The following TUBGCP2 variants were observed in gnomAD, a reference collection of about 807,000 sequenced individuals.
TUBGCP2 encodes the protein tubulin gamma complex component 2.
A neutral mutation model predicts 92.2 loss-of-function variants in TUBGCP2; 55 were observed. That is an observed-to-expected ratio of 0.60 (90% CI 0.48 to 0.75). The LOEUF (loss-of-function observed/expected upper bound fraction) is 0.75. TUBGCP2 is among the 30% of genes least tolerant of loss of function. The pLI, the probability that TUBGCP2 is intolerant of heterozygous loss-of-function variation, is 0.00. For missense variants in TUBGCP2, 1,093 were observed against 1,188.9 expected, an observed-to-expected ratio of 0.92 and a Z score of 1.19; for synonymous variants, 533 against 505.2, an observed-to-expected ratio of 1.06 and a Z score of -0.74.
chr10:133,284,128 A>G, intron 13 of TUBGCP2, 126 bp from the exon 14 acceptor site: 2 of 1,436,540 alleles, frequency 1.4e-6, no homozygotes, highest in Admixed American at 2.3e-5. Context: ...TCCTCTGCAG[A>G]GCAAGCGCCC....
intron 3 of TUBGCP2, 120 bp downstream of exon 3, chr10:133,299,865 C>T (rs1231500707): frequency 5.1e-6 from 7 of 1,375,474 alleles, no homozygotes; most frequent in East Asian, 4.6e-5. Context: ...GGCCTAGAAG[C>T]GTTACTGGTG....
chr10:133,285,137 C>T lies in TUBGCP2; in HGVS notation c.1972G>A (p.Val658Ile), dbSNP rs200557003. The change falls in exon 13 of 18, where the codon GTC becomes ATC. Residue 658 changes from valine to isoleucine, a missense_variant. Around this residue, in one of 3 missense-constraint regions of TUBGCP2, gnomAD observed 598 missense variants for 675.5 expected, o/e 0.89. Coordinates refer to ENST00000252936, the MANE Select transcript of TUBGCP2 (RefSeq NM_006659.4). The surrounding 1 kb of genome is among the most constrained non-coding windows in gnomAD (Gnocchi z 6.8). The stretch of plus-strand genomic sequence containing the variant: ...TTGGCGGTTTTGTTGCTGATCCAGA[C>T]GCTGCAGAGCTGCCGCTCCACGTGC... ...CKHVERQLCS[V>I]WISNKTAKQH... 286 of 1,612,820 alleles carry T rather than the reference C, an allele frequency of 1.8e-4. No homozygotes were observed. The highest frequency in any genetic ancestry group is 3.2e-4 in the African/African-American group (24 of 74,920).
At chr10:133,311,647 T>C, upstream of TUBGCP2, 1 of 1,355,400 alleles carries the variant, frequency 7.4e-7, no homozygotes, top group Non-Finnish European at 1.0e-6. Flanking sequence ...TTCTTGCATG[T>C]TCATTTCTGG....
At chr10:133,310,452 T>C (rs1488961658), upstream of TUBGCP2, 9 of 908,916 alleles carry the variant, frequency 9.9e-6, no homozygotes, top group Admixed American at 2.7e-5. Flanking sequence ...CTACAGGTGG[T>C]TGTGCCAGCG....
Position 133,289,953 on chromosome 10 carries a change from C to T in TUBGCP2, c.1231G>A (p.Glu411Lys). 6.2e-7 allele frequency: 1 copy of T among 1,614,134 alleles called. No individual in the cohort carries two copies. The highest frequency in any genetic ancestry group is 8.5e-7 in the Non-Finnish European group (1 of 1,179,990). The change falls in exon 9 of 18, where the codon GAG (glutamate) becomes AAG (lysine). Residue 411 changes from glutamate (E) to lysine (K), a missense_variant. Physicochemically the swap from Glu to Lys is moderately conservative, Grantham distance 56. Transcript: ENST00000252936. ...HDPYSEFMVE[E>K]HELRKERIQE... is the part of the protein sequence containing the mutation. ...ATCCTCTCCTTCCGCAGCTCGTGCT[C>T]CTCGACCATAAACTCACTAAAACCA...
At chr10:133,293,491 G>T in intron 6 of TUBGCP2, 71 bp downstream of exon 6, 1 of 1,490,166 alleles carries the variant, frequency 6.7e-7, no homozygotes. Context: ...ACGTCCCCAT[G>T]GTCATCAGGA....
chr10:133,305,598 A>T (rs1388003713), intron 1 of TUBGCP2, among the ~76,000 whole-genome samples: 2 of 152,152 alleles, frequency 1.3e-5, no homozygotes, highest in Non-Finnish European at 2.9e-5. Context: ...TGGTCCCTAC[A>T]ATAGAGTACA....
chr10:133,301,880 A>G (rs1008958230), intron 2 of TUBGCP2: 1 of 151,488 alleles, frequency 6.6e-6, no homozygotes, highest in Non-Finnish European at 1.5e-5. Context: ...ACACCCAGCT[A>G]ATTTTTTGTA....
intron 17 of TUBGCP2, among the ~76,000 whole-genome samples, chr10:133,280,478 T>C (rs2995321): frequency 0.9 from 136,932 of 152,312 alleles, 61,647 homozygotes; most frequent in East Asian, 0.94. Context: ...AGGCTGGCAG[T>C]TTGGCCACCT....
rs1589833195 is a variant in TUBGCP2, at chr10:133,297,872, T to G, written c.616+80A>C. 3.8e-6 allele frequency: 6 copies of G among 1,576,076 alleles called. No individual in the cohort carries two copies. The African/African-American group carries it at 4.1e-5, about 11-fold the overall frequency. ...TGCCCAGAGGCCAGAAATAAACACA[T>G]GACATACCTATCGGCAGAGCCCGGA... On this transcript the variant is annotated intron_variant, in intron 5 of 17. Coordinates refer to ENST00000252936, the MANE Select transcript of TUBGCP2 (RefSeq NM_006659.4).
rs923568017 is a variant in TUBGCP2 at position 133,288,701 on chromosome 10, G to A, written c.1541+139C>T. On this transcript the variant is annotated intron_variant, in intron 10 of 17. Transcript: ENST00000252936. ...CTGTGAGTGCCAGGTCCTTGAGCTA[G>A]AGACCATCCAGCAGTGCCCACTTTC... 1.0e-4 allele frequency: 107 copies of A among 1,036,778 alleles called. 1 individual carries two copies. The highest frequency in any genetic ancestry group is 4.5e-4 in the Admixed American group (16 of 35,262). 64.2% of individuals were successfully genotyped at this position (1,036,778 alleles called of 1,614,324 possible).
At chr10:133,300,218 G>C in intron 2 of TUBGCP2, 105 bp from the exon 3 acceptor site, 1 of 1,333,706 alleles carries the variant, frequency 7.5e-7, no homozygotes, top group Non-Finnish European at 1.0e-6. Flanking sequence ...AATTAAATTG[G>C]GTAGGTTAAA....
chr10:133,305,427 C>T (rs1847787338), intron 1 of TUBGCP2, among the ~76,000 whole-genome samples: 1 of 152,238 alleles, frequency 6.6e-6, no homozygotes, highest in African/African-American at 2.4e-5. Flanking sequence ...CAATAAATAA[C>T]AGCGCAGCCA....
intron 17 of TUBGCP2, 37 bp from the exon 18 acceptor site, chr10:133,279,938 C>T (rs1017602847): frequency 8.1e-6 from 13 of 1,597,630 alleles, no homozygotes; most frequent in Non-Finnish European, 1.1e-5. Flanking sequence ...GTGCACACCC[C>T]TTCTGCGGGT....
At chr10:133,282,013 C>T (rs1263951728) in intron 16 of TUBGCP2, among the ~76,000 whole-genome samples, 1 of 152,268 alleles carries the variant, frequency 6.6e-6, no homozygotes, top group Non-Finnish European at 1.5e-5. Flanking sequence ...TTCCCTCGAG[C>T]CCGACTGGCT....
At chr10:133,306,437 C>G (rs1847819725) in intron 1 of TUBGCP2, among the ~76,000 whole-genome samples, 1 of 152,182 alleles carries the variant, frequency 6.6e-6, no homozygotes, top group Non-Finnish European at 1.5e-5. Context: ...CACTCCCCCA[C>G]CAGACACAAG....
Position 133,285,515 on chromosome 10 carries a change from G to T in TUBGCP2, c.1836C>A (p.Gly612=), listed in dbSNP as rs770671446. Residue 612 remains glycine, a synonymous_variant, in exon 12 of 18, where the codon GGC becomes GGA. Transcript: ENST00000252936. The surrounding 1 kb of genome is among the most constrained non-coding windows in gnomAD (Gnocchi z 6.8). The part of the protein sequence containing the change: ...HADPTELALS[G]LEAFSFDYIV... Reference sequence around the variant, plus strand: ...TGTAGTCGAAAGAGAAGGCCTCCAGGCCGCTCAGCGCCAGCTCCGTGGGGT... The same window carrying T: ...TGTAGTCGAAAGAGAAGGCCTCCAGTCCGCTCAGCGCCAGCTCCGTGGGGT... 1 of 1,606,930 alleles carries T rather than the reference G, an allele frequency of 6.2e-7. No individual in the cohort carries two copies. Among genetic ancestry groups the T allele is most frequent in the Admixed American group, 1.7e-5 (1 of 59,622 alleles).
upstream of TUBGCP2, chr10:133,310,014 C>G: frequency 6.2e-7 from 1 of 1,611,236 alleles, no homozygotes; most frequent in Non-Finnish European, 8.5e-7. Flanking sequence ...GGCCACCCCC[C>G]ATTGGTGATG....
Position 133,283,155 on chromosome 10 carries a change from T to C in TUBGCP2, c.2212A>G (p.Met738Val), listed in dbSNP as rs1446786889. 13 of 1,614,102 alleles carry C rather than the reference T, an allele frequency of 8.1e-6. No homozygotes were observed. Among genetic ancestry groups the C allele is most frequent in the East Asian group, 2.2e-5 (1 of 44,894 alleles). Residue 738 changes from methionine (M) to valine (V), a missense_variant, in exon 15 of 18, where the codon ATG becomes GTG. Transcript: ENST00000252936. Reference protein sequence around the residue: ...GFLDTCLKDCMLTNPELLKVF... With the variant: ...GFLDTCLKDCVLTNPELLKVF... Reference sequence around the variant, plus strand: ...TTCAGCAGCTCGGGGTTGGTGAGCATGCAGTCCTTCAGGCAGGTGTCCAGG... The same window carrying C: ...TTCAGCAGCTCGGGGTTGGTGAGCACGCAGTCCTTCAGGCAGGTGTCCAGG...
Sources: allele counts gnomAD v4.1 joint callset (sites outside exome capture counted in the v4.1 genomes callset), GRCh38; gene constraint gnomAD v4.1.1; regional missense constraint gnomAD v4.1.1; non-coding constraint Gnocchi (gnomAD v3.1); transcripts MANE v1.5; gene names NCBI Gene and HGNC (gene_info 2026-07-23, HGNC 2026-07-21).